SNAP25: variants seen among roughly 807,000 people sequenced by gnomAD.
SNAP25 encodes synaptosome associated protein 25.
Under a neutral mutation model 28.7 loss-of-function variants are expected in SNAP25, and 3 were observed. The observed-to-expected ratio is 0.10, with a 90% confidence interval of 0.05 to 0.27. The LOEUF (loss-of-function observed/expected upper bound fraction) is 0.27, where lower values mean the gene tolerates loss of function less well. SNAP25 is among the 10% of genes least tolerant of loss of function. The probability of loss-of-function intolerance (pLI) is 1.00; values close to 1 mark genes in which losing one functional copy is unlikely to be tolerated. For missense variants in SNAP25, 117 were observed against 278.7 expected (o/e 0.42, Z 4.13); for synonymous variants, 61 against 88.1 (o/e 0.69, Z 1.72).
chr20:10,239,887 C>T (rs1333484696), intron 1 of SNAP25, among the ~76,000 whole-genome samples: 1 of 152,158 alleles, frequency 6.6e-6, no homozygotes, highest in Non-Finnish European at 1.5e-5. Flanking sequence ...GCAGCAAGAA[C>T]CTACAGGGGC....
At chr20:10,288,219 G>T (rs952209208) in intron 4 of SNAP25, among the ~76,000 whole-genome samples, 1 of 151,806 alleles carries the variant, frequency 6.6e-6, no homozygotes, top group Non-Finnish European at 1.5e-5. Flanking sequence ...CAAATAATTA[G>T]CAGTTTCACC....
intron 4 of SNAP25, among the ~76,000 whole-genome samples, chr20:10,286,095 T>C (rs530325626): frequency 2.0e-5 from 3 of 152,306 alleles, no homozygotes; most frequent in African/African-American, 7.2e-5. Context: ...GTAAAATGCA[T>C]GTGGCTTACT....
At chr20:10,288,836 T>TA (rs1435892259) in intron 4 of SNAP25, among the ~76,000 whole-genome samples, 36 of 151,650 alleles carry the variant, frequency 2.4e-4, no homozygotes, top group African/African-American at 8.8e-4. Context: ...TTTTTTTTTT[T>TA]AATTAGGCAG....
At chr20:10,277,330 C>T (rs1175063146) in intron 2 of SNAP25, among the ~76,000 whole-genome samples, 4 of 152,146 alleles carry the variant, frequency 2.6e-5, no homozygotes, top group Non-Finnish European at 4.4e-5. Flanking sequence ...ATGTTCCTGG[C>T]CCAGGGAGGC....
intron 1 of SNAP25, among the ~76,000 whole-genome samples, chr20:10,221,749 GCTCTAAATGTTAACC>G (rs2062638701): frequency 6.6e-6 from 1 of 152,224 alleles, no homozygotes; most frequent in African/African-American, 2.4e-5. Context: ...ATATTCCCAA[GCTCTAAATGTTAACC>G]CTTGAGTGAG....
intron 1 of SNAP25, among the ~76,000 whole-genome samples, chr20:10,264,937 T>TC (rs2063482445): frequency 6.7e-6 from 1 of 149,990 alleles, no homozygotes; most frequent in Admixed American, 6.6e-5. Flanking sequence ...TTTTTTTTTT[T>TC]CTGAGATGGA....
intron 4 of SNAP25, among the ~76,000 whole-genome samples, chr20:10,290,806 A>G (rs373671892): frequency 1.3e-5 from 2 of 152,196 alleles, no homozygotes; most frequent in South Asian, 4.1e-4. Flanking sequence ...TGCCTCCTCC[A>G]ATCCATCTCA....
chr20:10,248,213 G>A (rs2063163169), intron 1 of SNAP25, among the ~76,000 whole-genome samples: 1 of 152,158 alleles, frequency 6.6e-6, no homozygotes. Context: ...AAGTATACTT[G>A]GCTTTAAGGA....
intron 1 of SNAP25, among the ~76,000 whole-genome samples, chr20:10,259,918 C>T (rs7263943): frequency 0.026 from 3,896 of 152,238 alleles, 172 homozygotes; most frequent in African/African-American, 0.089. Context: ...GAGCCAGAGA[C>T]CTCAGGTTTG....
At chr20:10,298,552 C>T (rs1474305377) in intron 6 of SNAP25, among the ~76,000 whole-genome samples, 2 of 152,170 alleles carry the variant, frequency 1.3e-5, no homozygotes, top group Non-Finnish European at 2.9e-5. Context: ...ATTCCCATTC[C>T]ACTCAACCTG....
chr20:10,269,762 G>A (rs893150660), intron 1 of SNAP25, among the ~76,000 whole-genome samples: 2 of 152,142 alleles, frequency 1.3e-5, no homozygotes, highest in African/African-American at 4.8e-5. Context: ...CTTTATTTAT[G>A]GACCCTAAAA....
intron 1 of SNAP25, among the ~76,000 whole-genome samples, chr20:10,225,922 G>A (rs1189340860): frequency 6.6e-6 from 1 of 151,762 alleles, no homozygotes; most frequent in Non-Finnish European, 1.5e-5. Context: ...CCCCCCTGAG[G>A]CCAGAGTTCA....
At chr20:10,251,016 G>C (rs989729177) in intron 1 of SNAP25, among the ~76,000 whole-genome samples, 1 of 152,108 alleles carries the variant, frequency 6.6e-6, no homozygotes, top group Non-Finnish European at 1.5e-5. Flanking sequence ...ACCTAATGAC[G>C]CATTTCCTAG....
At chr20:10,270,323 A>G (rs6039797) in intron 1 of SNAP25, among the ~76,000 whole-genome samples, 2,340 of 152,286 alleles carry the variant, frequency 0.015, 65 homozygotes, top group African/African-American at 0.053. Context: ...GAACATTCCA[A>G]GAGAGAAGGT....
At chr20:10,237,588 T>C (rs1202489225) in intron 1 of SNAP25, among the ~76,000 whole-genome samples, 1 of 152,182 alleles carries the variant, frequency 6.6e-6, no homozygotes, top group Non-Finnish European at 1.5e-5. Flanking sequence ...CTTCATTTAT[T>C]CACTGGGTCC....
intron 1 of SNAP25, among the ~76,000 whole-genome samples, chr20:10,254,909 C>G (rs903176005): frequency 6.6e-6 from 1 of 152,174 alleles, no homozygotes; most frequent in African/African-American, 2.4e-5. Flanking sequence ...GAAAATCTCT[C>G]TAGCTTCCCT....
At chr20:10,263,311 A>G (rs1355506663) in intron 1 of SNAP25, among the ~76,000 whole-genome samples, 6 of 150,458 alleles carry the variant, frequency 4.0e-5, no homozygotes, top group South Asian at 2.1e-4. Flanking sequence ...GAGCCACCGC[A>G]CCAGGCCAAC....
At chr20:10,224,334 A>C (rs2062697053) in intron 1 of SNAP25, among the ~76,000 whole-genome samples, 1 of 123,738 alleles carries the variant, frequency 8.1e-6, no homozygotes. Flanking sequence ...GCCTGAAGGT[A>C]AGGATGCTGG....
rs529089337 is a variant in SNAP25 at position 10,299,093 on chromosome 20, T to A, written c.408-175T>A. Among the ~76,000 whole-genome samples, 351 of 141,662 alleles carry A rather than the reference T, an allele frequency of 2.5e-3. 1 individual carries two copies. Among genetic ancestry groups the A allele is most frequent in the Non-Finnish European group, 3.9e-3 (258 of 65,340 alleles). The allele number at this position is 141,662 out of a possible 152,430, so 92.9% of individuals were successfully genotyped here. A position where few individuals can be genotyped will look rare whatever the true frequency, so the allele number is the denominator to read the frequency against. Reference sequence around the variant, plus strand: ...GAAATTCAAGGGTTCAAAAAGCAATTTTAAACATTTTTTTTAAATGTATGA... The same window carrying A: ...GAAATTCAAGGGTTCAAAAAGCAATATTAAACATTTTTTTTAAATGTATGA... On this transcript the variant is annotated intron_variant, in intron 6 of 7. Transcript: ENST00000254976.
Sources: allele counts gnomAD v4.1 joint callset (sites outside exome capture counted in the v4.1 genomes callset), GRCh38; gene constraint gnomAD v4.1.1; transcripts MANE v1.5; gene names NCBI Gene and HGNC (gene_info 2026-07-23, HGNC 2026-07-21).